The following EGFL7 variants were observed in gnomAD, a reference collection of about 807,000 sequenced individuals.
EGFL7 encodes epidermal growth factor-like protein 7.
A neutral mutation model predicts 37.1 loss-of-function variants in EGFL7; 48 were observed. That is an observed-to-expected ratio of 1.29 (90% CI 1.03 to 1.65). The LOEUF is 1.65. Ranked by LOEUF, EGFL7 falls within the 40% of genes most tolerant of loss-of-function variation. The probability of loss-of-function intolerance (pLI) is 0.00; values close to 1 mark genes in which losing one functional copy is unlikely to be tolerated. For missense variants in EGFL7, 384 were observed against 378.9 expected, an observed-to-expected ratio of 1.01 and a Z score of -0.11; for synonymous variants, 180 against 156.8, an observed-to-expected ratio of 1.15 and a Z score of -1.10.
rs770381056 is a variant in EGFL7, at chr9:136,668,537, C to T, written c.81-20C>T. The T allele has an allele frequency of 4.4e-6, 7 of 1,603,508 alleles. No individual in the cohort carries two copies. In the Admixed American group the frequency reaches 1.0e-4, roughly 23 times the overall value. Reference sequence around the variant, plus strand: ...TCCTGCTCTGGGACTCCTGGGCTGACCCCCTCTCCACCCCCGCAGCCGTAG... The same window carrying T: ...TCCTGCTCTGGGACTCCTGGGCTGATCCCCTCTCCACCCCCGCAGCCGTAG... On this transcript the variant is annotated intron_variant, in intron 4 of 10. Coordinates refer to ENST00000308874, the MANE Select transcript of EGFL7 (RefSeq NM_016215.5).
At chr9:136,669,469 A>G in intron 5 of EGFL7, 137 bp from the exon 6 acceptor site, 1 of 644,308 alleles carries the variant, frequency 1.6e-6, no homozygotes, top group East Asian at 2.8e-5. Flanking sequence ...GTGACCCCTC[A>G]GTGCCATCCC....
At chr9:136,670,389 G>A (rs1357812180) in intron 8 of EGFL7, 59 bp downstream of exon 8, 2 of 1,487,740 alleles carry the variant, frequency 1.3e-6, no homozygotes, top group Non-Finnish European at 1.8e-6. Flanking sequence ...ACATTGCCGT[G>A]TGGCTGTTAG....
Position 136,672,283 on chromosome 9 carries a change from G to GT in EGFL7, c.820dup (p.Ter274LeufsTer10). The GT allele has an allele frequency of 1.2e-6, 2 of 1,613,332 alleles. No individual in the cohort carries two copies. The highest frequency in any genetic ancestry group is 1.1e-5 in the South Asian group (1 of 91,086). On this transcript the variant is annotated frameshift_variant, in exon 11 of 11. Transcript: ENST00000308874. LOFTEE classifies it high-confidence loss of function. ...CCCTAGGCTCCTGCAAGAAAGACTC[G>GT]TGACTGCCCAGCGCCCCAGGCTGGA...
chr9:136,659,909 C>A (rs530736785), upstream of EGFL7, among the ~76,000 whole-genome samples: 21 of 152,314 alleles, frequency 1.4e-4, no homozygotes, highest in African/African-American at 4.8e-4. Flanking sequence ...CAGGTCTCCC[C>A]CTCTGTGCTG....
chr9:136,670,502 G>A, intron 8 of EGFL7, 172 bp downstream of exon 8: 2 of 922,650 alleles, frequency 2.2e-6, no homozygotes, highest in Non-Finnish European at 1.7e-6. Context: ...AGAACTGGGG[G>A]CAGGTTGCCC....
rs1845352917 is a variant in EGFL7, at chr9:136,664,708, G to C, written c.-120G>C. ...TCCAACCAGCAGCCCCCAGGACCGG[G>C]GAGGCACAGGTGGCCCCCACCACCC... On this transcript the variant is annotated 5_prime_UTR_variant, in exon 3 of 11. Coordinates refer to ENST00000308874, the MANE Select transcript of EGFL7 (RefSeq NM_016215.5). The C allele has an allele frequency of 6.6e-6, 1 of 152,414 alleles. No homozygotes were observed. Among genetic ancestry groups the C allele is most frequent in the Non-Finnish European group, 1.5e-5 (1 of 68,172 alleles). 9.4% of individuals were successfully genotyped at this position (152,414 alleles called of 1,614,324 possible).
chr9:136,672,243 C>A (rs369873147), intron 10 of EGFL7, 21 bp from the exon 11 acceptor site: 1 of 1,613,404 alleles, frequency 6.2e-7, no homozygotes, highest in African/African-American at 1.3e-5. Flanking sequence ...GATCTCTGAC[C>A]TTCGCCTCAT....
At chr9:136,671,890 G>A (rs1845931679) in intron 9 of EGFL7, 36 bp from the exon 10 acceptor site, 2 of 1,458,908 alleles carry the variant, frequency 1.4e-6, no homozygotes, top group Non-Finnish European at 1.8e-6. Context: ...AGAGGGCGGG[G>A]GCCGGCCCAG....
chr9:136,661,447 G>A (rs1243061622), upstream of EGFL7, among the ~76,000 whole-genome samples: 1 of 152,142 alleles, frequency 6.6e-6, no homozygotes, highest in African/African-American at 2.4e-5. Flanking sequence ...GTGGGGAAAT[G>A]GGGTTCTGCC....
At chr9:136,668,758 G>A in intron 5 of EGFL7, 85 bp downstream of exon 5, 1 of 1,189,460 alleles carries the variant, frequency 8.4e-7, no homozygotes, top group Non-Finnish European at 1.2e-6. Flanking sequence ...AGGCGGGGGT[G>A]AATCCTGGGA....
At chr9:136,667,445 A>G (rs1845547084) in intron 3 of EGFL7, among the ~76,000 whole-genome samples, 1 of 152,116 alleles carries the variant, frequency 6.6e-6, no homozygotes, top group Admixed American at 6.5e-5. Flanking sequence ...ATTGCCACAG[A>G]CCATTAATTC....
upstream of EGFL7, among the ~76,000 whole-genome samples, chr9:136,662,532 C>G (rs1200440062): frequency 6.6e-6 from 1 of 152,162 alleles, no homozygotes; most frequent in Non-Finnish European, 1.5e-5. Context: ...GGGGGAGGGC[C>G]CAGCATCCTT....
At position 136,671,979 on chromosome 9, in the gene EGFL7, G is replaced by A. The variant is rs1719317950; in HGVS notation, c.690G>A (p.Glu230=). Residue 230 remains glutamate, a synonymous_variant, in exon 10 of 11, where the codon GAG becomes GAA. Transcript: ENST00000308874. ...PLHSLASQAL[E]HGLPDPGSLL... ...ACAGCCTGGCCTCGCAGGCACTGGA[G>A]CATGGGCTCCCGGACCCCGGCAGCC... 6.5e-7 allele frequency: 1 copy of A among 1,541,634 alleles called. No individual in the cohort carries two copies. Among genetic ancestry groups the A allele is most frequent in the Non-Finnish European group, 8.7e-7 (1 of 1,146,412 alleles).
chr9:136,665,357 G>A (rs1845391779), intron 3 of EGFL7, among the ~76,000 whole-genome samples: 1 of 152,244 alleles, frequency 6.6e-6, no homozygotes, highest in African/African-American at 2.4e-5. Context: ...AACCTGCGCC[G>A]GGCGCCTACC....
intron 3 of EGFL7, chr9:136,665,753 C>T (rs1408102857): frequency 6.8e-6 from 1 of 146,196 alleles, no homozygotes; most frequent in African/African-American, 2.5e-5. Flanking sequence ...GGGCGGGGCT[C>T]GGGGCCCCCA....
intron 8 of EGFL7, 147 bp downstream of exon 8, chr9:136,670,477 A>T: frequency 9.3e-7 from 1 of 1,075,464 alleles, no homozygotes; most frequent in Non-Finnish European, 1.4e-6. Flanking sequence ...GGGAGGGAGG[A>T]TAGGTGGGTT....
At chr9:136,667,272 C>T (rs1045119821) in intron 3 of EGFL7, among the ~76,000 whole-genome samples, 2 of 152,226 alleles carry the variant, frequency 1.3e-5, no homozygotes, top group African/African-American at 4.8e-5. Context: ...CGACCCGAAG[C>T]CTGGCCTTTC....
At position 136,668,989 on chromosome 9, in the gene EGFL7, T is replaced by A. The variant is rs182516517; in HGVS notation, c.197+316T>A. On this transcript the variant is annotated intron_variant, in intron 5 of 10. Coordinates refer to ENST00000308874, the MANE Select transcript of EGFL7 (RefSeq NM_016215.5). ...CACTTCCGGGGGACTAACCCCTCCCTACCCTGGCATCCCTGGCTGCAAGTT... is the reference window on the plus strand; with the variant it reads ...CACTTCCGGGGGACTAACCCCTCCCAACCCTGGCATCCCTGGCTGCAAGTT... Among the ~76,000 whole-genome samples, 3 of 152,272 alleles carry A rather than the reference T, an allele frequency of 2.0e-5. No homozygotes were observed. In the East Asian group the frequency reaches 5.8e-4, roughly 29 times the overall value.
At chr9:136,671,131 G>C (rs1362778695) in intron 9 of EGFL7, 117 bp downstream of exon 9, 2 of 791,798 alleles carry the variant, frequency 2.5e-6, no homozygotes, top group Admixed American at 2.2e-5. Flanking sequence ...GTGAGGCATC[G>C]GGGGGGTAGG....
Sources: gnomAD v4.1 joint callset for allele counts (sites outside exome capture counted in the v4.1 genomes callset) on GRCh38, gnomAD v4.1.1 for gene constraint, MANE v1.5 for transcripts, NCBI Gene and HGNC (gene_info 2026-07-23, HGNC 2026-07-21) for gene names.